The following TMEM132D variants were observed in gnomAD, a reference collection of about 807,000 sequenced individuals.
The protein encoded by TMEM132D is transmembrane protein 132D, also known as mature OL transmembrane protein.
A neutral mutation model predicts 62.3 loss-of-function variants in TMEM132D; 21 were observed. The ratio of observed to expected loss-of-function variants is 0.34; its 90% CI spans 0.24 to 0.49. TMEM132D has a LOEUF of 0.49. TMEM132D is among the 20% of genes least tolerant of loss of function. The pLI is 0.99. For synonymous variants in TMEM132D, 621 were observed against 575.6 expected (o/e 1.08, Z -1.13); for missense variants, 1,346 against 1,402.8 (o/e 0.96, Z 0.65).
chr12:129,424,174 T>C (rs968677202), intron 3 of TMEM132D, among the ~76,000 whole-genome samples: 2 of 148,698 alleles, frequency 1.3e-5, no homozygotes, highest in Non-Finnish European at 3.0e-5. Flanking sequence ...TGATTTACTT[T>C]CAAAGAAGCG....
At chr12:129,635,450 G>T (rs533448297) in intron 2 of TMEM132D, among the ~76,000 whole-genome samples, 2 of 152,224 alleles carry the variant, frequency 1.3e-5, no homozygotes, top group African/African-American at 4.8e-5. Context: ...GAAAGGGAGG[G>T]AAAGCACCCC....
At chr12:129,661,246 C>G (rs527425839) in intron 2 of TMEM132D, among the ~76,000 whole-genome samples, 1 of 152,260 alleles carries the variant, frequency 6.6e-6, no homozygotes, top group Non-Finnish European at 1.5e-5. Flanking sequence ...AAGCCATGGA[C>G]GCAGGCATAC....
chr12:129,359,004 G>A (rs1307184641), intron 3 of TMEM132D, among the ~76,000 whole-genome samples: 1 of 151,590 alleles, frequency 6.6e-6, no homozygotes, highest in East Asian at 1.9e-4. Context: ...CAGTATCATA[G>A]TAGCCAAAGG....
At chr12:129,163,737 TC>T (rs1877463132) in intron 5 of TMEM132D, among the ~76,000 whole-genome samples, 1 of 152,222 alleles carries the variant, frequency 6.6e-6, no homozygotes, top group Admixed American at 6.5e-5. Context: ...CCTGGGTGCT[TC>T]CCCATCCCGG....
At chr12:129,714,168 C>A (rs1868481043) in intron 1 of TMEM132D, among the ~76,000 whole-genome samples, 1 of 152,216 alleles carries the variant, frequency 6.6e-6, no homozygotes, top group Non-Finnish European at 1.5e-5. Flanking sequence ...AGTGCCCATC[C>A]CCAGGCCCCT....
At chr12:129,899,154 T>A (rs1875247422) in intron 1 of TMEM132D, among the ~76,000 whole-genome samples, 1 of 132,980 alleles carries the variant, frequency 7.5e-6, no homozygotes, top group African/African-American at 3.4e-5. Flanking sequence ...AAATGATAGA[T>A]GGATAGATGG....
At chr12:129,567,428 T>G (rs1196484970) in intron 2 of TMEM132D, among the ~76,000 whole-genome samples, 2 of 152,160 alleles carry the variant, frequency 1.3e-5, no homozygotes, top group Non-Finnish European at 2.9e-5. Context: ...ACGTGACAAG[T>G]TTTAGTGTAG....
At chr12:129,323,856 C>T (rs1868804696) in intron 4 of TMEM132D, among the ~76,000 whole-genome samples, 1 of 151,964 alleles carries the variant, frequency 6.6e-6, no homozygotes, top group African/African-American at 2.4e-5. Context: ...CCTTTCTTCA[C>T]ATGCCTCTCT....
chr12:129,358,908 G>A (rs1870158910), intron 3 of TMEM132D, among the ~76,000 whole-genome samples: 2 of 151,922 alleles, frequency 1.3e-5, no homozygotes, highest in Non-Finnish European at 2.9e-5. Flanking sequence ...GAGGGCTTGG[G>A]ATTGAGGAAG....
chr12:129,193,864 G>A (rs1431627142), intron 5 of TMEM132D, among the ~76,000 whole-genome samples: 1 of 152,200 alleles, frequency 6.6e-6, no homozygotes, highest in East Asian at 1.9e-4. Flanking sequence ...TACAATGTGT[G>A]CTAAGTGTGA....
intron 1 of TMEM132D, among the ~76,000 whole-genome samples, chr12:129,749,573 C>G (rs184807330): frequency 1.8e-4 from 27 of 151,926 alleles, no homozygotes; most frequent in Admixed American, 3.9e-4. Flanking sequence ...TCTCCTGCCT[C>G]AGCCTCCCAA....
chr12:129,756,246 A>G lies in TMEM132D; in HGVS notation c.80-55548T>C, dbSNP rs1440606225. ...TAGAGTTCATAATACCATACTGTAC[A>G]CTTAAGAATTTATTAAGTGGGTTAA... is the stretch of plus-strand genomic sequence containing the variant. On this transcript the variant is annotated intron_variant, in intron 1 of 8. Coordinates refer to ENST00000422113, the MANE Select transcript of TMEM132D (RefSeq NM_133448.3). Among the ~76,000 whole-genome samples the G allele has an allele frequency of 3.3e-5, 5 of 152,170 alleles. No homozygotes were observed. The South Asian group carries it at 6.2e-4, about 19-fold the overall frequency.
In TMEM132D at chr12:129,115,749, C is replaced by T. The variant is rs138526689; in HGVS notation, c.1444-31047G>A. Among the ~76,000 whole-genome samples, 343 of 152,272 alleles carry T rather than the reference C, an allele frequency of 2.3e-3. 4 individuals are homozygous for T. Among genetic ancestry groups the T allele is most frequent in the African/African-American group, 7.9e-3 (327 of 41,568 alleles). On this transcript the variant is annotated intron_variant, in intron 5 of 8. Transcript: ENST00000422113. ...TGGAAGCCAGGGCCTGTAAAGCATACGTCACAAACTCCAGGCAGAGGTGAC... is the reference window on the plus strand; with the variant it reads ...TGGAAGCCAGGGCCTGTAAAGCATATGTCACAAACTCCAGGCAGAGGTGAC...
chr12:129,094,632 C>A (rs954232951), intron 5 of TMEM132D, among the ~76,000 whole-genome samples: 6 of 152,172 alleles, frequency 3.9e-5, no homozygotes, highest in African/African-American at 1.4e-4. Context: ...GGTGATTCCT[C>A]AGGGATCTAG....
At chr12:129,116,088 A>G (rs1875883023) in intron 5 of TMEM132D, among the ~76,000 whole-genome samples, 1 of 152,248 alleles carries the variant, frequency 6.6e-6, no homozygotes, top group Non-Finnish European at 1.5e-5. Flanking sequence ...TCCTGCCTCC[A>G]GCCAGGGCCT....
At chr12:129,887,852 G>A (rs552199882) in intron 1 of TMEM132D, among the ~76,000 whole-genome samples, 1 of 152,182 alleles carries the variant, frequency 6.6e-6, no homozygotes, top group African/African-American at 2.4e-5. Context: ...ACTCCCTAAT[G>A]TATTCTCCCT....
At chr12:129,358,854 C>T (rs1460547378) in intron 3 of TMEM132D, among the ~76,000 whole-genome samples, 2 of 151,876 alleles carry the variant, frequency 1.3e-5, no homozygotes, top group African/African-American at 4.8e-5. Flanking sequence ...GGAAAATGGA[C>T]CAGAAAAACA....
At chr12:129,335,299 G>A (rs1004151065) in intron 4 of TMEM132D, among the ~76,000 whole-genome samples, 1 of 151,248 alleles carries the variant, frequency 6.6e-6, no homozygotes, top group African/African-American at 2.4e-5. Flanking sequence ...ACCTGGCTAA[G>A]TTTTGTAGTT....
intron 5 of TMEM132D, among the ~76,000 whole-genome samples, chr12:129,113,660 C>T (rs932269074): frequency 4.0e-5 from 6 of 151,608 alleles, no homozygotes; most frequent in African/African-American, 7.3e-5. Flanking sequence ...CGTCGGCCAG[C>T]GAAAACCCCA....
Sources: gnomAD v4.1 joint callset for allele counts (sites outside exome capture counted in the v4.1 genomes callset) on GRCh38, gnomAD v4.1.1 for gene constraint, MANE v1.5 for transcripts, NCBI Gene and HGNC (gene_info 2026-07-23, HGNC 2026-07-21) for gene names.